The following PSG9 variants were observed in gnomAD, a reference collection of about 807,000 sequenced individuals.
The protein encoded by PSG9 is pregnancy specific beta-1-glycoprotein 9, also known as pregnancy-specific beta-1-glycoprotein 9.
Under a neutral mutation model 41.9 loss-of-function variants are expected in PSG9, and 49 were observed. The ratio of observed to expected loss-of-function variants is 1.17; its 90% CI spans 0.93 to 1.48. The LOEUF is 1.48. Ranked by LOEUF, PSG9 falls within the 40% of genes most tolerant of loss-of-function variation. PSG9 has a pLI of 0.00. For synonymous variants in PSG9, 263 were observed against 196.8 expected (o/e 1.34, Z -2.82); for missense variants, 641 against 520.3 (o/e 1.23, Z -2.26).
At position 43,258,434 on chromosome 19, in the gene PSG9, A is replaced by G. The variant is rs753761223; in HGVS notation, c.1011T>C (p.Ile337=). 3 of 1,581,994 alleles carry G rather than the reference A, an allele frequency of 1.9e-6. No homozygotes were observed. The highest frequency in any genetic ancestry group is 2.6e-6 in the Non-Finnish European group (3 of 1,169,916). Residue 337 remains isoleucine, a synonymous_variant, in exon 5 of 6, where the codon ATT becomes ATC. Transcript: ENST00000270077. ...NVLYGPDLPR[I]YPSFTYYRSG... The stretch of plus-strand genomic sequence containing the variant: ...AACGGTAATAGGTGAATGAAGGGTA[A>G]ATTCTGGGGAGGTCTGGACCATCTG...
chr19:43,266,059 C>G (rs1968952488), intron 2 of PSG9, among the ~76,000 whole-genome samples: 1 of 151,648 alleles, frequency 6.6e-6, no homozygotes, highest in Non-Finnish European at 1.5e-5. Context: ...CAGGGCTTGC[C>G]AGTCAGAATG....
rs762650021 is a variant in PSG9, at chr19:43,258,474, A to G, written c.989-18T>C. ...TGGACCATCTGGAGGAAAGAGAATA[A>G]AGCCACACGTGATGTCATTCGAGGG... On this transcript the variant is annotated intron_variant, in intron 4 of 5. Coordinates refer to ENST00000270077, the MANE Select transcript of PSG9 (RefSeq NM_002784.5). 1 of 1,546,376 alleles carries G rather than the reference A, an allele frequency of 6.5e-7. No individual in the cohort carries two copies. The highest frequency in any genetic ancestry group is 8.7e-7 in the Non-Finnish European group (1 of 1,154,380).
At position 43,268,123 on chromosome 19, in the gene PSG9, G is replaced by A. The variant is rs756607825; in HGVS notation, c.91C>T (p.Pro31Ser). ...TCAATCGTGACTTCGGCAGTGGTGG[G>A]CGGGTTCCAGAAGTTTAAAAGTGAT... ...TASLLNFWNP[P>S]TTAEVTIEAQ... Residue 31 changes from proline (P) to serine (S), a missense_variant, in exon 2 of 6, where the codon CCC becomes TCC. Transcript: ENST00000270077. 3.1e-6 allele frequency: 5 copies of A among 1,610,138 alleles called. No individual in the cohort carries two copies. The highest frequency in any genetic ancestry group is 2.2e-5 in the East Asian group (1 of 44,826).
intron 2 of PSG9, among the ~76,000 whole-genome samples, chr19:43,262,418 A>G (rs1374662578): frequency 1.3e-5 from 2 of 152,126 alleles, no homozygotes; most frequent in African/African-American, 4.8e-5. Flanking sequence ...ACAGCCCCTG[A>G]TGCCTCTTTG....
rs1280767930 is a variant in PSG9, at chr19:43,254,665, G to A, written c.1244-1019C>T. ...TTAGAGTGGATATACATAAAATGGA[G>A]AATGGAAACAGAATAGAGGAAATTA... On this transcript the variant is annotated intron_variant, in intron 5 of 5. Transcript: ENST00000270077. 2.1e-5 allele frequency among the ~76,000 whole-genome samples: 3 copies of A among 146,278 alleles called. 1 individual carries two copies. Among genetic ancestry groups the A allele is most frequent in the Admixed American group, 6.8e-5 (1 of 14,700 alleles).
chr19:43,268,567 G>C (rs560963255), intron 1 of PSG9, among the ~76,000 whole-genome samples: 2 of 152,196 alleles, frequency 1.3e-5, no homozygotes, highest in East Asian at 1.9e-4. Flanking sequence ...CAGGGTTCTT[G>C]TCAACACCTG....
Position 43,262,205 on chromosome 19 carries a change from G to A in PSG9, c.431-67C>T, listed in dbSNP as rs559802068. 148 of 1,564,216 alleles carry A rather than the reference G, an allele frequency of 9.5e-5. 2 individuals carry two copies. The South Asian group carries it at 9.9e-4, about 10-fold the overall frequency. ...TTGATTCCTCCAAAGGCATTTTTCA[G>A]TCAGAGTTGGCATTTCCCACCTCTC... On this transcript the variant is annotated intron_variant, in intron 2 of 5. Coordinates refer to ENST00000270077, the MANE Select transcript of PSG9 (RefSeq NM_002784.5).
In PSG9 at chr19:43,258,092, T is replaced by G; in HGVS notation, c.1243+110A>C. Reference sequence around the variant, plus strand: ...TCAGGAGGAGAATTTGGGATTTGCTTGTGCCCATGGGACACAGGCTGGGAA... The same window carrying G: ...TCAGGAGGAGAATTTGGGATTTGCTGGTGCCCATGGGACACAGGCTGGGAA... On this transcript the variant is annotated intron_variant, in intron 5 of 5. Coordinates refer to ENST00000270077, the MANE Select transcript of PSG9 (RefSeq NM_002784.5). 1.9e-6 allele frequency: 3 copies of G among 1,589,658 alleles called. 1 individual carries two copies. The East Asian group carries it at 8.0e-5, about 42-fold the overall frequency.
chr19:43,263,596 A>C (rs1968829453), intron 2 of PSG9, among the ~76,000 whole-genome samples: 1 of 152,040 alleles, frequency 6.6e-6, no homozygotes, highest in Admixed American at 6.5e-5. Flanking sequence ...AGTAACAAAA[A>C]AAAAAAAAAA....
At chr19:43,260,991 T>C (rs1968685633) in intron 3 of PSG9, among the ~76,000 whole-genome samples, 1 of 152,162 alleles carries the variant, frequency 6.6e-6, no homozygotes, top group African/African-American at 2.4e-5. Flanking sequence ...TTCCTTAACT[T>C]CCTTTCAGAT....
At chr19:43,266,184 C>A (rs956356770) in intron 2 of PSG9, among the ~76,000 whole-genome samples, 1 of 151,920 alleles carries the variant, frequency 6.6e-6, no homozygotes, top group Admixed American at 6.5e-5. Context: ...GCCCCCAGTT[C>A]CACAGTCCAG....
intron 2 of PSG9, among the ~76,000 whole-genome samples, chr19:43,266,506 C>A (rs542125671): frequency 6.6e-6 from 1 of 151,998 alleles, no homozygotes; most frequent in Admixed American, 6.5e-5. Flanking sequence ...TCTCCTTGAT[C>A]CTCTCATGAC....
In PSG9 at chr19:43,257,881, G is replaced by A. The variant is rs927596170; in HGVS notation, c.1243+321C>T. On this transcript the variant is annotated intron_variant, in intron 5 of 5. Coordinates refer to ENST00000270077, the MANE Select transcript of PSG9 (RefSeq NM_002784.5). Reference sequence around the variant, plus strand: ...AGACGTGGCAGAAGGGGATGTGTCGGTGACAGCGAGAAGCAACTTGATCTT... The same window carrying A: ...AGACGTGGCAGAAGGGGATGTGTCGATGACAGCGAGAAGCAACTTGATCTT... 4.3e-6 allele frequency: 6 copies of A among 1,393,428 alleles called. No homozygotes were observed. In the Admixed American group the frequency reaches 9.5e-5, roughly 22 times the overall value. The allele number at this position is 1,393,428 out of a possible 1,614,324, so 86.3% of individuals were successfully genotyped here. A position where few individuals can be genotyped will look rare whatever the true frequency, so the allele number is the denominator to read the frequency against.
intron 2 of PSG9, 97 bp from the exon 3 acceptor site, chr19:43,262,235 C>G (rs960877840): frequency 1.6e-5 from 25 of 1,532,500 alleles, no homozygotes; most frequent in Middle Eastern, 2.3e-4. Flanking sequence ...CCTCTCAGCC[C>G]AACCCAGTCC....
chr19:43,253,285 C>T lies in PSG9; in HGVS notation c.*324G>A, dbSNP rs145906431. 474 of 199,364 alleles carry T rather than the reference C, an allele frequency of 2.4e-3. 67 individuals carry two copies. Among genetic ancestry groups the T allele is most frequent in the African/African-American group, 9.8e-3 (387 of 39,596 alleles). 12.3% of individuals were successfully genotyped at this position (199,364 alleles called of 1,614,324 possible). A position where few individuals can be genotyped will look rare whatever the true frequency, so the allele number is the denominator to read the frequency against. Reference sequence around the variant, plus strand: ...CTGTTATAAAGAGAGCAGATTCTTACGGAACATGTGCAAATAACTTTATTA... The same window carrying T: ...CTGTTATAAAGAGAGCAGATTCTTATGGAACATGTGCAAATAACTTTATTA... On this transcript the variant is annotated 3_prime_UTR_variant, in exon 6 of 6. Transcript: ENST00000270077.
In PSG9 at chr19:43,268,112, G is replaced by A. The variant is rs143419745; in HGVS notation, c.102C>T (p.Ala34=). 0.012 allele frequency: 19,342 copies of A among 1,611,688 alleles called. 255 individuals carry two copies. The highest frequency in any genetic ancestry group is 0.015 in the Non-Finnish European group (17,100 of 1,178,750). ...LLNFWNPPTT[A]EVTIEAQPPK... ...GTGGCTGGGCTTCAATCGTGACTTC[G>A]GCAGTGGTGGGCGGGTTCCAGAAGT... Residue 34 remains alanine (A), a synonymous_variant, in exon 2 of 6, where the codon GCC becomes GCT. Transcript: ENST00000270077.
intron 1 of PSG9, among the ~76,000 whole-genome samples, chr19:43,269,115 C>T (rs1449094928): frequency 6.6e-6 from 1 of 152,088 alleles, no homozygotes; most frequent in Non-Finnish European, 1.5e-5. Context: ...CATGATTCTC[C>T]CACCTCAGCC....
rs368636460 is a variant in PSG9 at position 43,265,987 on chromosome 19, C to T, written c.430+1797G>A. Among the ~76,000 whole-genome samples, 292 of 152,070 alleles carry T rather than the reference C, an allele frequency of 1.9e-3. 5 individuals are homozygous for T. The highest frequency in any genetic ancestry group is 6.6e-3 in the African/African-American group (272 of 41,472). ...TGTTAGTAGGAAGGGAACCGAACAG[C>T]CAGCCTAGTTAGAGGGAATGTCTGG... On this transcript the variant is annotated intron_variant, in intron 2 of 5. Coordinates refer to ENST00000270077, the MANE Select transcript of PSG9 (RefSeq NM_002784.5).
At chr19:43,257,286 A>G in intron 5 of PSG9, 1 of 810,086 alleles carries the variant, frequency 1.2e-6, no homozygotes, top group Non-Finnish European at 1.5e-6. Flanking sequence ...TGATGGTTAC[A>G]CAACACTAAA....
Sources: allele counts gnomAD v4.1 joint callset (sites outside exome capture counted in the v4.1 genomes callset), GRCh38; gene constraint gnomAD v4.1.1; transcripts MANE v1.5; gene names NCBI Gene and HGNC (gene_info 2026-07-23, HGNC 2026-07-21).